Variants in HERC2 observed in about 807,000 individuals in gnomAD.
HERC2 encodes the protein HECT and RLD domain containing E3 ubiquitin protein ligase 2, also known as E3 ubiquitin-protein ligase HERC2.
HERC2 carries 102 observed loss-of-function variants against 537.7 expected under a neutral mutation model. The ratio of observed to expected loss-of-function variants is 0.19; its 90% CI spans 0.16 to 0.22. The LOEUF (loss-of-function observed/expected upper bound fraction) is 0.22. Among genes scored for constraint, HERC2 ranks in the 10% least tolerant of loss-of-function variants. The pLI is 1.00. For synonymous variants in HERC2, 2,224 were observed against 2,466.2 expected, an observed-to-expected ratio of 0.90 and a Z score of 2.91; for missense variants, 4,236 against 6,198.2, an observed-to-expected ratio of 0.68 and a Z score of 10.63.
Position 28,169,495 on chromosome 15 carries a change from G to A in HERC2, c.10218C>T (p.Ile3406=), listed in dbSNP as rs770040263. Residue 3406 remains isoleucine, a synonymous_variant, in exon 66 of 93, where the codon ATC becomes ATT. Transcript: ENST00000261609. ...GCACAGAAGCCTACCTGGCATACAT[G>A]ATTTGCAATGCTGTAAGAATATGTG... The part of the protein sequence containing the change: ...ALSHILTALQ[I]MYARDAVVGA... 24 of 1,587,382 alleles carry A rather than the reference G, an allele frequency of 1.5e-5. No individual in the cohort carries two copies. In the African/African-American group the frequency reaches 2.8e-4, roughly 19 times the overall value.
At chr15:28,219,381 G>A (rs1438058564) in intron 37 of HERC2, among the ~76,000 whole-genome samples, 1 of 152,250 alleles carries the variant, frequency 6.6e-6, no homozygotes, top group Non-Finnish European at 1.5e-5. Flanking sequence ...AGGGAGCCAG[G>A]CCTGCTTCCT....
intron 69 of HERC2, among the ~76,000 whole-genome samples, chr15:28,160,008 T>C (rs1893413865): frequency 6.6e-6 from 1 of 152,252 alleles, no homozygotes. Flanking sequence ...TCCCAGACTC[T>C]GTTTGCCTGG....
intron 56 of HERC2, among the ~76,000 whole-genome samples, chr15:28,184,912 CTGAG>C (rs956362167): frequency 3.4e-5 from 5 of 147,018 alleles, no homozygotes; most frequent in African/African-American, 1.0e-4. Flanking sequence ...TTAGTAGCTA[CTGAG>C]TAAGAAAATG....
chr15:28,177,630 G>A lies in HERC2; in HGVS notation c.9164-121C>T. On this transcript the variant is annotated intron_variant, in intron 59 of 92. Coordinates refer to ENST00000261609, the MANE Select transcript of HERC2 (RefSeq NM_004667.6). The surrounding 1 kb of genome is among the most constrained non-coding windows in gnomAD (Gnocchi z 5.0). ...CTCAATGAGCGTGAGCTGAATAAAT[G>A]AGTAACTCAACAGGATCAACAGCGG... 1.2e-6 allele frequency: 1 copy of A among 800,454 alleles called. No individual in the cohort carries two copies. 49.6% of individuals were successfully genotyped at this position (800,454 alleles called of 1,614,324 possible).
In HERC2 at chr15:28,265,661, C is replaced by A; in HGVS notation, c.1827G>T (p.Ala609=). The A allele has an allele frequency of 6.2e-7, 1 of 1,614,188 alleles. No homozygotes were observed. The highest frequency in any genetic ancestry group is 1.1e-5 in the South Asian group (1 of 91,076). The part of the protein sequence containing the change: ...GLKGLKVIDV[A]CGSGDAQTLA... ...GGGTTTGAGCATCCCCACTCCCACA[C>A]GCCACATCGATGACCTTCAGTCCTT... Residue 609 remains alanine (A), a synonymous_variant, in exon 14 of 93, where the codon GCG becomes GCT. Coordinates refer to ENST00000261609, the MANE Select transcript of HERC2 (RefSeq NM_004667.6). The surrounding 1 kb of genome is among the most constrained non-coding windows in gnomAD (Gnocchi z 4.0).
rs1166195971 is a variant in HERC2 at position 28,260,882 on chromosome 15, G to A, written c.2211C>T (p.Asp737=). 4 of 1,614,084 alleles carry A rather than the reference G, an allele frequency of 2.5e-6. No homozygotes were observed. Among genetic ancestry groups the A allele is most frequent in the Non-Finnish European group, 1.7e-6 (2 of 1,180,048 alleles). ...DSEVHSWGSN[D]QCQHFDTLRV... The stretch of plus-strand genomic sequence containing the variant: ...GCAAGGTGTCAAAGTGCTGGCACTG[G>A]TCGTTGCTCCCCCAGCTGTGGACCT... Residue 737 remains aspartate (D), a synonymous_variant, in exon 16 of 93, where the codon GAC becomes GAT. Transcript: ENST00000261609.
At chr15:28,303,979 C>A (rs2076705958) in intron 2 of HERC2, among the ~76,000 whole-genome samples, 3 of 151,918 alleles carry the variant, frequency 2.0e-5, no homozygotes, top group Non-Finnish European at 2.9e-5. Context: ...CAGCCTGGCC[C>A]ATGTGGTGAA....
intron 37 of HERC2, among the ~76,000 whole-genome samples, chr15:28,219,229 C>A (rs577507498): frequency 3.3e-5 from 5 of 152,384 alleles, no homozygotes; most frequent in Admixed American, 1.3e-4. Context: ...GCACCGGCAT[C>A]TGTGGAGTGG....
chr15:28,146,449 G>C (rs1891745669), intron 70 of HERC2, 105 bp from the exon 71 acceptor site: 4 of 754,940 alleles, frequency 5.3e-6, no homozygotes, highest in Non-Finnish European at 9.1e-6. Flanking sequence ...ATAGCAGAAA[G>C]TCAGAAAGAA....
intron 23 of HERC2, among the ~76,000 whole-genome samples, chr15:28,241,066 G>A (rs957761722): frequency 2.6e-5 from 4 of 152,104 alleles, no homozygotes; most frequent in African/African-American, 4.8e-5. Context: ...GATCAAAATC[G>A]AATACTTCTG....
At chr15:28,280,037 C>T (rs774564057) in intron 5 of HERC2, 31 bp downstream of exon 5, 1 of 1,513,630 alleles carries the variant, frequency 6.6e-7, no homozygotes, top group Admixed American at 1.8e-5. Context: ...ATTTAACTGG[C>T]ATCAGGATTC....
chr15:28,283,359 G>C (rs1326908774), intron 4 of HERC2, among the ~76,000 whole-genome samples: 1 of 152,126 alleles, frequency 6.6e-6, no homozygotes, highest in African/African-American at 2.4e-5. Context: ...AAATGACAGC[G>C]AATTTCTCAT....
intron 21 of HERC2, 112 bp from the exon 22 acceptor site, chr15:28,247,009 T>G: frequency 1.1e-6 from 1 of 931,752 alleles, no homozygotes; most frequent in African/African-American, 1.7e-5. Context: ...CCATAATAAT[T>G]TTCTCAAACA....
At chr15:28,179,259 AG>A (rs1399910618) in intron 57 of HERC2, 36 bp from the exon 58 acceptor site, 1 of 1,481,204 alleles carries the variant, frequency 6.8e-7, no homozygotes, top group Non-Finnish European at 9.2e-7. Flanking sequence ...AAAAAAGAAA[AG>A]AAAATTTTAC....
At chr15:28,251,017 C>T (rs1382477981) in intron 20 of HERC2, among the ~76,000 whole-genome samples, 5 of 152,258 alleles carry the variant, frequency 3.3e-5, no homozygotes, top group East Asian at 1.9e-4. Context: ...CAGGACCCCA[C>T]GTGCCACAGG....
chr15:28,151,659 C>T (rs980649874), intron 70 of HERC2, among the ~76,000 whole-genome samples: 2 of 152,036 alleles, frequency 1.3e-5, no homozygotes, highest in African/African-American at 2.4e-5. Flanking sequence ...GGGAGCTACA[C>T]TGAAGAGGCT....
intron 50 of HERC2, among the ~76,000 whole-genome samples, chr15:28,196,980 G>A (rs2525934): frequency 3.9e-5 from 6 of 152,164 alleles, no homozygotes; most frequent in Non-Finnish European, 7.3e-5. Flanking sequence ...GACTTCTTTC[G>A]TCCTTTGATA....
At chr15:28,276,192 CAAAA>C (rs11359639) in intron 5 of HERC2, among the ~76,000 whole-genome samples, 10 of 70,104 alleles carry the variant, frequency 1.4e-4, no homozygotes, top group African/African-American at 5.1e-4. Flanking sequence ...TCTCAAAAAA[CAAAA>C]AAAAAAAAAA....
chr15:28,298,506 G>T (rs1241674506), intron 3 of HERC2: 5 of 151,654 alleles, frequency 3.3e-5, no homozygotes, highest in South Asian at 2.1e-4. Flanking sequence ...AAAAGAAGAA[G>T]AAATACTTGC....
Sources: allele counts gnomAD v4.1 joint callset (sites outside exome capture counted in the v4.1 genomes callset), GRCh38; gene constraint gnomAD v4.1.1; non-coding constraint Gnocchi (gnomAD v3.1); transcripts MANE v1.5; gene names NCBI Gene and HGNC (gene_info 2026-07-23, HGNC 2026-07-21).